Variants in TTLL4 observed in about 807,000 individuals in gnomAD.
The protein encoded by TTLL4 is tubulin tyrosine ligase like 4, also known as tubulin monoglutamylase TTLL4.
A neutral mutation model predicts 122.7 loss-of-function variants in TTLL4; 85 were observed. The observed-to-expected ratio is 0.69, with a 90% CI of 0.58 to 0.83. The LOEUF (loss-of-function observed/expected upper bound fraction) is 0.83, where lower values mean the gene tolerates loss of function less well. Among genes scored for constraint, TTLL4 ranks in the 40% least tolerant of loss-of-function variants. The pLI is 0.00. For missense variants in TTLL4, 1,363 were observed against 1,488.6 expected (o/e 0.92, Z 1.39); for synonymous variants, 553 against 563.0 (o/e 0.98, Z 0.25).
intron 2 of TTLL4, among the ~76,000 whole-genome samples, chr2:218,728,944 C>T (rs965120884): frequency 1.5e-4 from 16 of 108,574 alleles, no homozygotes; most frequent in Middle Eastern, 5.2e-3. Context: ...TTTTTTTTGG[C>T]GGGGGGGGGC....
chr2:218,715,975 G>C lies in TTLL4; in HGVS notation c.-178+4938G>C, dbSNP rs560003815. Among the ~76,000 whole-genome samples the C allele has an allele frequency of 2.6e-5, 4 of 152,264 alleles. No individual in the cohort carries two copies. The South Asian group carries it at 8.3e-4, about 32-fold the overall frequency. On this transcript the variant is annotated intron_variant, in intron 1 of 19. Transcript: ENST00000392102. ...ACATTGTCTTCTATGGGGACTATCTGTTGACTGAAACATTATGTGAGGCAT... is the reference window on the plus strand; with the variant it reads ...ACATTGTCTTCTATGGGGACTATCTCTTGACTGAAACATTATGTGAGGCAT...
intron 16 of TTLL4, 79 bp downstream of exon 16, chr2:218,751,885 TTC>T (rs1943025386): frequency 1.0e-6 from 1 of 974,472 alleles, no homozygotes; most frequent in Non-Finnish European, 1.4e-6. Context: ...CAAACAGCTT[TTC>T]TTTTTTTTTT....
intron 15 of TTLL4, among the ~76,000 whole-genome samples, chr2:218,750,665 A>G (rs1459516590): frequency 2.0e-5 from 3 of 152,128 alleles, no homozygotes; most frequent in Non-Finnish European, 4.4e-5. Flanking sequence ...CACAACCTCA[A>G]GGTCAGAATG....
intron 1 of TTLL4, among the ~76,000 whole-genome samples, chr2:218,712,030 T>C (rs1440535654): frequency 3.3e-5 from 5 of 151,980 alleles, no homozygotes; most frequent in Admixed American, 1.3e-4. Context: ...CAGCTACTTA[T>C]ATTGGACTGA....
intron 14 of TTLL4, 71 bp from the exon 15 acceptor site, chr2:218,749,938 T>G: frequency 1.5e-5 from 23 of 1,567,088 alleles, no homozygotes; most frequent in Non-Finnish European, 1.8e-5. Flanking sequence ...AGACTAGCCC[T>G]GAGTTGCACA....
In TTLL4 at chr2:218,746,527, G is replaced by T. The variant is rs546142505; in HGVS notation, c.1974+296G>T. On this transcript the variant is annotated intron_variant, in intron 8 of 19. Transcript: ENST00000392102. ...GTAACTCTGAAATCCTGCAGTTGCA[G>T]CTTCTCCAAGATGCTTTTTCCTCTA... 1.8e-5 allele frequency: 8 copies of T among 455,074 alleles called. No homozygotes were observed. In the South Asian group the frequency reaches 2.1e-4, roughly 12 times the overall value. 28.2% of individuals were successfully genotyped at this position (455,074 alleles called of 1,614,324 possible). A position where few individuals can be genotyped will look rare whatever the true frequency, so the allele number is the denominator to read the frequency against.
chr2:218,724,535 C>T (rs561876344), intron 1 of TTLL4, among the ~76,000 whole-genome samples: 22 of 152,284 alleles, frequency 1.4e-4, no homozygotes, highest in African/African-American at 5.1e-4. Flanking sequence ...ATTTGTCTTT[C>T]TGTGCTTGGC....
At chr2:218,726,843 C>T (rs574379285) in intron 1 of TTLL4, among the ~76,000 whole-genome samples, 4 of 144,268 alleles carry the variant, frequency 2.8e-5, no homozygotes, top group Admixed American at 1.4e-4. Flanking sequence ...CTCAGTCTGT[C>T]GCCCAGGCTG....
chr2:218,738,111 T>G lies in TTLL4; in HGVS notation c.435T>G (p.Pro145=). The part of the protein sequence containing the change: ...CLRSSPSEKS[P]FSLPQKSLPV... ...GTTCGAGCCCGTCAGAAAAAAGCCC[T>G]TTTTCTCTCCCTCAAAAGAGCCTCC... Residue 145 remains proline, a synonymous_variant, in exon 3 of 20, where the codon CCT becomes CCG. Transcript: ENST00000392102. 1 of 1,613,840 alleles carries G rather than the reference T, an allele frequency of 6.2e-7. No individual in the cohort carries two copies. The highest frequency in any genetic ancestry group is 8.5e-7 in the Non-Finnish European group (1 of 1,179,892).
intron 1 of TTLL4, among the ~76,000 whole-genome samples, chr2:218,725,850 C>T (rs1942175154): frequency 6.6e-6 from 1 of 152,130 alleles, no homozygotes; most frequent in Admixed American, 6.5e-5. Context: ...GCCACCATGC[C>T]CAGCCTTATT....
chr2:218,720,435 G>A (rs779355174), intron 1 of TTLL4, among the ~76,000 whole-genome samples: 1 of 152,152 alleles, frequency 6.6e-6, no homozygotes. Context: ...GGTCCAACTC[G>A]TGGCTTTGCT....
chr2:218,745,737 G>A lies in TTLL4; in HGVS notation c.1833G>A (p.Met611Ile), dbSNP rs1021518865. Residue 611 changes from methionine to isoleucine, a missense_variant, in exon 7 of 20, where the codon ATG becomes ATA. Transcript: ENST00000392102. ...AGAGGAAGTTGCTCCGATGGAAGAT[G>A]AGCACAGTGACCCCCAACATTGTCA... Reference protein sequence around the residue: ...WEQRKLLRWKMSTVTPNIVKQ... With the variant: ...WEQRKLLRWKISTVTPNIVKQ... 6.2e-7 allele frequency: 1 copy of A among 1,613,552 alleles called. No homozygotes were observed. The highest frequency in any genetic ancestry group is 8.5e-7 in the Non-Finnish European group (1 of 1,179,838).
Position 218,747,473 on chromosome 2 carries a change from C to T in TTLL4, c.2249+101C>T. The stretch of plus-strand genomic sequence containing the variant: ...GCCCTTTGTTCTCCCAGCCAAAGAG[C>T]TTCCTTAGCCAACTGTTCTAAGGTC... On this transcript the variant is annotated intron_variant, in intron 10 of 19. Coordinates refer to ENST00000392102, the MANE Select transcript of TTLL4 (RefSeq NM_014640.5). This position sits in a 1 kb window ranked among gnomAD's most constrained non-coding sequence, Gnocchi z 4.7. 1 of 1,565,776 alleles carries T rather than the reference C, an allele frequency of 6.4e-7. No individual in the cohort carries two copies. Among genetic ancestry groups the T allele is most frequent in the Admixed American group, 1.8e-5 (1 of 54,680 alleles).
intron 7 of TTLL4, 26 bp from the exon 8 acceptor site, chr2:218,746,129 G>A (rs1207121028): frequency 1.2e-6 from 2 of 1,613,864 alleles, no homozygotes; most frequent in African/African-American, 2.7e-5. Flanking sequence ...TGTTAGCAAG[G>A]CTGATTCCTG....
At chr2:218,754,052 C>T (rs2106466845) in intron 19 of TTLL4, 82 bp from the exon 20 acceptor site, 1 of 1,580,808 alleles carries the variant, frequency 6.3e-7, no homozygotes, top group Non-Finnish European at 8.6e-7. Flanking sequence ...TGAATGCCTG[C>T]TCCAGACTGA....
At position 218,748,125 on chromosome 2, in the gene TTLL4, G is replaced by T; in HGVS notation, c.2399G>T (p.Ser800Ile). 2.5e-6 allele frequency: 4 copies of T among 1,614,084 alleles called. No individual in the cohort carries two copies. The highest frequency in any genetic ancestry group is 3.4e-6 in the Non-Finnish European group (4 of 1,180,008). Residue 800 changes from serine to isoleucine, a missense_variant, in exon 12 of 20, where the codon AGC becomes ATC. This residue lies in a region of TTLL4 where 596 missense variants were observed against 655.8 expected (regional missense o/e 0.91). Transcript: ENST00000392102. ...ASCKYSPSMK[S>I]LGNKFMHLTN... ...TCCAGGTATTCGCCTTCCATGAAGA[G>T]CCTTGGCAATAAGTTCATGCACCTG... is the stretch of plus-strand genomic sequence containing the variant.
At chr2:218,756,034 C>G (rs567053222), downstream of TTLL4, among the ~76,000 whole-genome samples, 1 of 152,240 alleles carries the variant, frequency 6.6e-6, no homozygotes, top group East Asian at 1.9e-4. Context: ...CCTATTGGAT[C>G]TTTTCTGATG....
At chr2:218,712,697 CTT>C (rs1339213469) in intron 1 of TTLL4, among the ~76,000 whole-genome samples, 1 of 152,066 alleles carries the variant, frequency 6.6e-6, no homozygotes. Context: ...CCAATGAACT[CTT>C]TTTCTAAAAC....
chr2:218,751,882 CTTTTCTTTTTTT>C, intron 16 of TTLL4, 76 bp downstream of exon 16: 1 of 624,534 alleles, frequency 1.6e-6, no homozygotes, highest in Non-Finnish European at 2.4e-6. Context: ...AAGCAAACAG[CTTTTCTTTTTTT>C]TTTTCTTTTC....
Sources: allele counts gnomAD v4.1 joint callset (sites outside exome capture counted in the v4.1 genomes callset), GRCh38; gene constraint gnomAD v4.1.1; regional missense constraint gnomAD v4.1.1; non-coding constraint Gnocchi (gnomAD v3.1); transcripts MANE v1.5; gene names NCBI Gene and HGNC (gene_info 2026-07-23, HGNC 2026-07-21).